The following WDR27 variants were observed in gnomAD, a reference collection of about 807,000 sequenced individuals.
WDR27 encodes WD repeat domain 27.
A neutral mutation model predicts 114.4 loss-of-function variants in WDR27; 100 were observed. The ratio of observed to expected loss-of-function variants is 0.87; its 90% CI spans 0.74 to 1.03. The LOEUF (loss-of-function observed/expected upper bound fraction) is 1.03. WDR27 is among the 50% of genes least tolerant of loss of function. The probability of loss-of-function intolerance (pLI) is 0.00; values close to 1 mark genes in which losing one functional copy is unlikely to be tolerated. For missense variants in WDR27, 1,129 were observed against 1,092.9 expected (o/e 1.03, Z -0.47); for synonymous variants, 449 against 423.1 (o/e 1.06, Z -0.75).
intron 25 of WDR27, among the ~76,000 whole-genome samples, chr6:169,549,349 TA>T: frequency 6.6e-6 from 1 of 152,256 alleles, no homozygotes; most frequent in Non-Finnish European, 1.5e-5. Flanking sequence ...TGAGAATGGC[TA>T]AAGTCCAGAA....
the WDR27 span, among the ~76,000 whole-genome samples, chr6:169,447,378 G>A: frequency 6.6e-6 from 1 of 152,036 alleles, no homozygotes; most frequent in Non-Finnish European, 1.5e-5. Flanking sequence ...TTAAATGTTT[G>A]ATAAAACTTC....
intron 25 of WDR27, among the ~76,000 whole-genome samples, chr6:169,463,310 T>C (rs1199925090): frequency 1.3e-5 from 2 of 152,240 alleles, no homozygotes; most frequent in Non-Finnish European, 2.9e-5. Context: ...TCTCATAAGC[T>C]AGGCACTTCT....
intron 1 of WDR27, among the ~76,000 whole-genome samples, chr6:169,700,210 G>A (rs1203191571): frequency 6.6e-6 from 1 of 152,196 alleles, no homozygotes; most frequent in Non-Finnish European, 1.5e-5. Flanking sequence ...TTAGTCCATA[G>A]GGCTCTGGAC....
At chr6:169,583,031 G>C in intron 23 of WDR27, 97 bp from the exon 24 acceptor site, 1 of 1,017,392 alleles carries the variant, frequency 9.8e-7, no homozygotes, top group Non-Finnish European at 1.5e-6. Context: ...GATTAGTGTA[G>C]TTGATCAGAT....
intron 2 of WDR27, among the ~76,000 whole-genome samples, chr6:169,687,814 T>C (rs1203422954): frequency 2.0e-5 from 3 of 152,122 alleles, no homozygotes; most frequent in Non-Finnish European, 2.9e-5. Flanking sequence ...ATCCTGAAAA[T>C]TCTATAGTTT....
chr6:169,621,066 C>A (rs1422661020), intron 21 of WDR27, among the ~76,000 whole-genome samples: 1 of 152,214 alleles, frequency 6.6e-6, no homozygotes, highest in African/African-American at 2.4e-5. Flanking sequence ...ATTCACAGAA[C>A]ACTGCCAAGT....
chr6:169,664,426 T>A (rs554969113), intron 7 of WDR27, 140 bp from the exon 8 acceptor site: 1 of 1,523,938 alleles, frequency 6.6e-7, no homozygotes, highest in African/African-American at 1.4e-5. Flanking sequence ...CCGGCACAGC[T>A]GTCTCCTGCC....
the WDR27 span, among the ~76,000 whole-genome samples, chr6:169,442,185 G>A: frequency 6.6e-6 from 1 of 152,196 alleles, no homozygotes; most frequent in South Asian, 2.1e-4. Context: ...TCAGTGTTGT[G>A]TTTGGAACTG....
intron 22 of WDR27, among the ~76,000 whole-genome samples, chr6:169,609,364 A>G (rs114670575): frequency 0.017 from 2,527 of 152,280 alleles, 94 homozygotes; most frequent in African/African-American, 0.058. Context: ...CCCTACAGAA[A>G]ACATCTGCGT....
At chr6:169,481,531 C>A (rs149555955) in intron 25 of WDR27, among the ~76,000 whole-genome samples, 16 of 152,034 alleles carry the variant, frequency 1.1e-4, no homozygotes, top group Non-Finnish European at 2.2e-4. Flanking sequence ...GGGTTCGTGG[C>A]GCCTTTATGA....
chr6:169,657,415 G>A lies in WDR27; in HGVS notation c.1402+861C>T, dbSNP rs147844204. 1.6e-4 allele frequency among the ~76,000 whole-genome samples: 24 copies of A among 152,324 alleles called. No homozygotes were observed. In the East Asian group the frequency reaches 2.7e-3, roughly 17 times the overall value. On this transcript the variant is annotated intron_variant, in intron 13 of 25. Coordinates refer to ENST00000448612, the MANE Select transcript of WDR27 (RefSeq NM_182552.5). ...GCAGGAACCCTAGCCCAGCCTAGCC[G>A]AGCCCGGCCCGGGGAGAGGCCCAAG...
chr6:169,641,797 C>T (rs1819237655), intron 17 of WDR27, among the ~76,000 whole-genome samples: 1 of 152,250 alleles, frequency 6.6e-6, no homozygotes, highest in East Asian at 1.9e-4. Flanking sequence ...TCCGAAATGC[C>T]TGACCCCAGA....
At chr6:169,611,378 T>G (rs1259066376) in intron 22 of WDR27, among the ~76,000 whole-genome samples, 2 of 148,284 alleles carry the variant, frequency 1.3e-5, no homozygotes, top group African/African-American at 5.0e-5. Context: ...TGATTTTGGC[T>G]CACTGCAAAC....
At chr6:169,673,734 T>C (rs917622880) in intron 2 of WDR27, among the ~76,000 whole-genome samples, 1 of 152,098 alleles carries the variant, frequency 6.6e-6, no homozygotes, top group Non-Finnish European at 1.5e-5. Context: ...AACTATCATA[T>C]TGGGAGAAGG....
chr6:169,468,565 C>A (rs1269399428), intron 25 of WDR27, among the ~76,000 whole-genome samples: 1 of 152,198 alleles, frequency 6.6e-6, no homozygotes, highest in African/African-American at 2.4e-5. Context: ...TTACCTCCCA[C>A]CAGGTCCCTC....
At chr6:169,601,970 G>C (rs1051630363) in intron 23 of WDR27, among the ~76,000 whole-genome samples, 3 of 152,126 alleles carry the variant, frequency 2.0e-5, no homozygotes, top group Admixed American at 2.0e-4. Context: ...TCAAATAGTA[G>C]GCACTCAACA....
intron 1 of WDR27, among the ~76,000 whole-genome samples, chr6:169,697,871 G>A (rs551721235): frequency 8.5e-5 from 13 of 152,252 alleles, no homozygotes; most frequent in African/African-American, 3.1e-4. Flanking sequence ...TGGTGGTAGT[G>A]GTCCCCCGGG....
rs1233674320 is a variant in WDR27, at chr6:169,659,049, A to C, written c.1319+37T>G. The C allele has an allele frequency of 2.0e-6, 3 of 1,484,158 alleles. No individual in the cohort carries two copies. The highest frequency in any genetic ancestry group is 1.4e-5 in the South Asian group (1 of 69,952). 91.9% of individuals were successfully genotyped at this position (1,484,158 alleles called of 1,614,324 possible). A position where few individuals can be genotyped will look rare whatever the true frequency, so the allele number is the denominator to read the frequency against. Reference sequence around the variant, plus strand: ...GAAATCCAGATGGCACTTATTGGTGAACACACACACACACTCCACACTTGA... The same window carrying C: ...GAAATCCAGATGGCACTTATTGGTGCACACACACACACACTCCACACTTGA... On this transcript the variant is annotated intron_variant, in intron 12 of 25. Transcript: ENST00000448612. The surrounding 1 kb of genome is among the most constrained non-coding windows in gnomAD (Gnocchi z 4.3).
chr6:169,581,121 A>G (rs1441153882), intron 24 of WDR27, among the ~76,000 whole-genome samples: 2 of 151,934 alleles, frequency 1.3e-5, no homozygotes, highest in Admixed American at 1.3e-4. Context: ...TTTATTTTGT[A>G]TAACTATATT....
Sources: allele counts gnomAD v4.1 joint callset (sites outside exome capture counted in the v4.1 genomes callset), GRCh38; gene constraint gnomAD v4.1.1; non-coding constraint Gnocchi (gnomAD v3.1); transcripts MANE v1.5; gene names NCBI Gene and HGNC (gene_info 2026-07-23, HGNC 2026-07-21).